WDR35: variants seen among roughly 807,000 people sequenced by gnomAD.
The protein encoded by WDR35 is WD repeat domain 35, also known as WD repeat-containing protein 35.
In WDR35, 118 loss-of-function variants were observed where a neutral mutation model predicts 158.3. The ratio of observed to expected loss-of-function variants is 0.75; its 90% CI spans 0.64 to 0.87. The LOEUF (loss-of-function observed/expected upper bound fraction) is 0.87. Ranked by LOEUF, WDR35 falls within the 40% of genes least tolerant of loss-of-function variation. WDR35 has a pLI of 0.00. For synonymous variants in WDR35, 448 were observed against 476.1 expected (o/e 0.94, Z 0.77); for missense variants, 1,263 against 1,405.8 (o/e 0.90, Z 1.62).
At chr2:19,935,964 A>G (rs1439076995) in intron 20 of WDR35, among the ~76,000 whole-genome samples, 1 of 152,210 alleles carries the variant, frequency 6.6e-6, no homozygotes, top group Non-Finnish European at 1.5e-5. Flanking sequence ...ACACCTTAGA[A>G]TTATATACTG....
In WDR35 at chr2:19,933,534, T is replaced by A; in HGVS notation, c.2548-23A>T. 1 of 1,588,794 alleles carries A rather than the reference T, an allele frequency of 6.3e-7. No homozygotes were observed. ...TTCCTGTACAAACAAAACAATACTA[T>A]CAGATTTCACAGACCAAGGAAATTA... On this transcript the variant is annotated intron_variant, in intron 21 of 26. Transcript: ENST00000281405.
intron 25 of WDR35, among the ~76,000 whole-genome samples, chr2:19,928,711 C>T (rs1020285257): frequency 6.6e-6 from 1 of 152,140 alleles, no homozygotes; most frequent in African/African-American, 2.4e-5. Context: ...ATCACAGCTA[C>T]CACTTATTGA....
Position 19,910,596 on chromosome 2 carries a change from G to T in WDR35, c.*2962C>A, listed in dbSNP as rs886055393. On this transcript the variant is annotated 3_prime_UTR_variant, in exon 27 of 27. Transcript: ENST00000281405. The stretch of plus-strand genomic sequence containing the variant: ...GAAGTCAGTACATGTTTTTTGCAAG[G>T]AGAACAACATAACTGTTTAATGATG... 6.6e-6 allele frequency: 1 copy of T among 152,146 alleles called. No individual in the cohort carries two copies. Among genetic ancestry groups the T allele is most frequent in the African/African-American group, 2.4e-5 (1 of 41,436 alleles). 9.4% of individuals were successfully genotyped at this position (152,146 alleles called of 1,614,324 possible).
At chr2:19,956,873 C>A (rs1265162277) in intron 11 of WDR35, among the ~76,000 whole-genome samples, 1 of 152,152 alleles carries the variant, frequency 6.6e-6, no homozygotes, top group African/African-American at 2.4e-5. Context: ...CCCGTCTTGG[C>A]CTCCCAAAGT....
At chr2:19,933,684 T>TCA (rs1670597857) in intron 21 of WDR35, among the ~76,000 whole-genome samples, 173 bp from the exon 22 acceptor site, 1 of 152,152 alleles carries the variant, frequency 6.6e-6, no homozygotes, top group Non-Finnish European at 1.5e-5. Context: ...TGCTAAGGCA[T>TCA]CACTTCTATA....
intron 17 of WDR35, 42 bp from the exon 18 acceptor site, chr2:19,938,443 G>C: frequency 1.9e-6 from 3 of 1,596,708 alleles, no homozygotes; most frequent in Non-Finnish European, 2.6e-6. Flanking sequence ...AATATTTGCC[G>C]TTAGAGTATG....
intron 2 of WDR35, among the ~76,000 whole-genome samples, chr2:19,985,581 A>T (rs1253312873): frequency 2.0e-5 from 1 of 51,048 alleles, no homozygotes; most frequent in Non-Finnish European, 4.1e-5. Context: ...TGGTCCCTTT[A>T]AAAAAAAAAA....
intron 2 of WDR35, among the ~76,000 whole-genome samples, chr2:19,984,670 G>T (rs201572262): frequency 6.6e-6 from 1 of 152,142 alleles, no homozygotes; most frequent in East Asian, 1.9e-4. Context: ...AAAACAAAAG[G>T]TATGACATAG....
At chr2:19,978,948 A>G (rs1672299700) in intron 4 of WDR35, 69 bp from the exon 5 acceptor site, 4 of 1,593,066 alleles carry the variant, frequency 2.5e-6, no homozygotes, top group Non-Finnish European at 3.4e-6. Flanking sequence ...TTAAGAATTG[A>G]AAGCATTCCA....
At chr2:19,929,848 A>G (rs1160046091) in intron 25 of WDR35, among the ~76,000 whole-genome samples, 1 of 152,082 alleles carries the variant, frequency 6.6e-6, no homozygotes, top group Non-Finnish European at 1.5e-5. Context: ...CTTTTTCTTC[A>G]TATTTTTCTG....
chr2:19,939,164 A>G (rs1280768723), intron 17 of WDR35, among the ~76,000 whole-genome samples: 1 of 152,228 alleles, frequency 6.6e-6, no homozygotes, highest in Non-Finnish European at 1.5e-5. Flanking sequence ...TAAAAGATTA[A>G]TCAAAATTAA....
intron 13 of WDR35, among the ~76,000 whole-genome samples, chr2:19,948,706 T>C (rs1671138811): frequency 6.6e-6 from 1 of 152,202 alleles, no homozygotes; most frequent in African/African-American, 2.4e-5. Context: ...ACATACTATA[T>C]GATTCTATCC....
At chr2:19,926,394 C>T (rs934775122) in intron 25 of WDR35, among the ~76,000 whole-genome samples, 8 of 152,186 alleles carry the variant, frequency 5.3e-5, no homozygotes, top group Non-Finnish European at 1.0e-4. Flanking sequence ...GTTTTCCAGA[C>T]GCCCTATACT....
At chr2:19,945,272 T>C (rs560162812) in intron 16 of WDR35, among the ~76,000 whole-genome samples, 303 of 152,260 alleles carry the variant, frequency 2.0e-3, no homozygotes, top group Middle Eastern at 6.8e-3. Flanking sequence ...CTGCCTGCAC[T>C]TGCATATTTG....
At chr2:19,963,191 G>T (rs960381028) in intron 10 of WDR35, among the ~76,000 whole-genome samples, 1 of 151,956 alleles carries the variant, frequency 6.6e-6, no homozygotes, top group African/African-American at 2.4e-5. Context: ...ATACCATTTT[G>T]TCGGATCAGA....
intron 12 of WDR35, among the ~76,000 whole-genome samples, chr2:19,952,461 C>T (rs1056045755): frequency 6.6e-6 from 1 of 152,198 alleles, no homozygotes; most frequent in Non-Finnish European, 1.5e-5. Context: ...ACACATATCC[C>T]AGACAGAAAC....
chr2:19,947,480 G>A (rs1671096204), intron 14 of WDR35, among the ~76,000 whole-genome samples: 1 of 152,150 alleles, frequency 6.6e-6, no homozygotes. Context: ...CAGCATTACT[G>A]TATAAAAGTA....
At chr2:19,935,315 A>G (rs957122971) in intron 21 of WDR35, 156 bp downstream of exon 21, 13 of 725,090 alleles carry the variant, frequency 1.8e-5, no homozygotes, top group Non-Finnish European at 2.7e-5. Flanking sequence ...TATTATTTAT[A>G]TATTACTTTA....
At chr2:19,914,533 T>TACAC (rs566700966) in intron 25 of WDR35, among the ~76,000 whole-genome samples, 109 of 151,936 alleles carry the variant, frequency 7.2e-4, no homozygotes, top group African/African-American at 2.6e-3. Context: ...AGCTCAGAAA[T>TACAC]ACACACACAC....
Sources: allele counts gnomAD v4.1 joint callset (sites outside exome capture counted in the v4.1 genomes callset), GRCh38; gene constraint gnomAD v4.1.1; transcripts MANE v1.5; gene names NCBI Gene and HGNC (gene_info 2026-07-23, HGNC 2026-07-21).